The following C2CD5 variants were observed in gnomAD, a reference collection of about 807,000 sequenced individuals.
C2CD5 encodes the protein C2 calcium dependent domain containing 5.
In C2CD5, 109 loss-of-function variants were observed where a neutral mutation model predicts 130.3. The ratio of observed to expected loss-of-function variants is 0.84; its 90% CI spans 0.72 to 0.98. The LOEUF (loss-of-function observed/expected upper bound fraction) is 0.98, where lower values mean the gene tolerates loss of function less well. Ranked by LOEUF, C2CD5 falls within the 50% of genes least tolerant of loss-of-function variation. C2CD5 has a pLI of 0.00. For synonymous variants in C2CD5, 454 were observed against 429.2 expected (o/e 1.06, Z -0.71); for missense variants, 996 against 1,261.8 (o/e 0.79, Z 3.19).
intron 9 of C2CD5, 92 bp downstream of exon 9, chr12:22,513,202 A>C: frequency 3.2e-6 from 3 of 932,142 alleles, no homozygotes; most frequent in Non-Finnish European, 5.1e-6. Context: ...ATGTAACCAA[A>C]ACAGTTCATG....
intron 7 of C2CD5, among the ~76,000 whole-genome samples, chr12:22,522,314 C>T (rs1056469717): frequency 6.6e-6 from 1 of 152,120 alleles, no homozygotes; most frequent in South Asian, 2.1e-4. Flanking sequence ...GGATAGTCAG[C>T]GTTTTTAGTC....
Position 22,457,011 on chromosome 12 carries a change from A to C in C2CD5, c.2837T>G (p.Ile946Ser). The change falls in exon 25 of 27, where the codon ATT becomes AGT. Residue 946 changes from isoleucine (I) to serine (S), a missense_variant. Coordinates refer to ENST00000446597, the MANE Select transcript of C2CD5 (RefSeq NM_001286176.2). Reference sequence around the variant, plus strand: ...AGTCTCTCGAATAAAAAACATGTTAATTATCCCAAGATACTTAGTTATTTT... The same window carrying C: ...AGTCTCTCGAATAAAAAACATGTTACTTATCCCAAGATACTTAGTTATTTT... ...GAKITKYLGI[I>S]NMFFIRETTS... 1.9e-6 allele frequency: 3 copies of C among 1,602,200 alleles called. No homozygotes were observed. Among genetic ancestry groups the C allele is most frequent in the Non-Finnish European group, 2.6e-6 (3 of 1,172,760 alleles).
At chr12:22,491,058 G>A (rs962932662) in intron 11 of C2CD5, among the ~76,000 whole-genome samples, 12 of 152,186 alleles carry the variant, frequency 7.9e-5, no homozygotes, top group African/African-American at 2.9e-4. Flanking sequence ...TGATGTCTTC[G>A]AATCAAGAAG....
chr12:22,465,602 T>A (rs1047988111), intron 22 of C2CD5, among the ~76,000 whole-genome samples: 55 of 151,884 alleles, frequency 3.6e-4, no homozygotes, highest in Admixed American at 3.6e-3. Flanking sequence ...TCTCGCTGAT[T>A]TTTTTTACTC....
chr12:22,472,643 A>G (rs536004678), intron 17 of C2CD5, 101 bp downstream of exon 17: 11 of 796,512 alleles, frequency 1.4e-5, no homozygotes, highest in Middle Eastern at 2.9e-4. Context: ...TGACACTGTG[A>G]TAAGTCCTTC....
intron 3 of C2CD5, among the ~76,000 whole-genome samples, chr12:22,534,380 C>A (rs186523450): frequency 6.6e-6 from 1 of 152,204 alleles, no homozygotes; most frequent in Non-Finnish European, 1.5e-5. Context: ...ATATATTGGA[C>A]TTCATCAAAA....
At position 22,480,803 on chromosome 12, in the gene C2CD5, AT is replaced by A. The variant is rs769196605; in HGVS notation, c.1737+1753del. Among the ~76,000 whole-genome samples, 659 of 145,188 alleles carry A rather than the reference AT, an allele frequency of 4.5e-3. 2 individuals carry two copies. The highest frequency in any genetic ancestry group is 0.011 in the Middle Eastern group (3 of 284). On this transcript the variant is annotated intron_variant, in intron 14 of 26. Coordinates refer to ENST00000446597, the MANE Select transcript of C2CD5 (RefSeq NM_001286176.2). ...CCAAGTTACTCTAAGTATAAAAGAA[AT>A]TTTTTTTTTTTTTTTAAAGACAGGG...
intron 7 of C2CD5, among the ~76,000 whole-genome samples, chr12:22,522,399 C>T (rs955733165): frequency 1.3e-5 from 2 of 152,188 alleles, no homozygotes; most frequent in African/African-American, 4.8e-5. Context: ...ACAGTCATGA[C>T]CACCATCATG....
chr12:22,459,476 A>C lies in C2CD5; in HGVS notation c.2584+16T>G. ...TTACACCTTTGGTGACTATTTGCTT[A>C]ATTAGACAAACTCACCTCTCTGTGC... On this transcript the variant is annotated intron_variant, in intron 23 of 26. Coordinates refer to ENST00000446597, the MANE Select transcript of C2CD5 (RefSeq NM_001286176.2). 2.7e-6 allele frequency: 4 copies of C among 1,508,504 alleles called. No individual in the cohort carries two copies. The highest frequency in any genetic ancestry group is 3.6e-6 in the Non-Finnish European group (4 of 1,122,030). 93.4% of individuals were successfully genotyped at this position (1,508,504 alleles called of 1,614,324 possible).
chr12:22,457,278 C>A, intron 24 of C2CD5, 117 bp from the exon 25 acceptor site: 4 of 592,996 alleles, frequency 6.7e-6, no homozygotes, highest in South Asian at 3.7e-5. Flanking sequence ...TAAGCCATGT[C>A]ATGAAAGAAA....
chr12:22,502,479 T>G (rs969349696), intron 10 of C2CD5, among the ~76,000 whole-genome samples: 3 of 152,158 alleles, frequency 2.0e-5, no homozygotes, highest in African/African-American at 4.8e-5. Context: ...TTTTAAATGA[T>G]CATTCTGAAG....
chr12:22,450,957 G>A (rs909054995), intron 26 of C2CD5, among the ~76,000 whole-genome samples: 2 of 151,978 alleles, frequency 1.3e-5, no homozygotes, highest in Non-Finnish European at 2.9e-5. Flanking sequence ...CAGCTGAGGA[G>A]CAATATGTAC....
At chr12:22,505,010 A>G (rs1346340971) in intron 10 of C2CD5, among the ~76,000 whole-genome samples, 2 of 152,174 alleles carry the variant, frequency 1.3e-5, no homozygotes, top group Non-Finnish European at 2.9e-5. Flanking sequence ...TGCTTAGAAG[A>G]TGCATTTGCC....
At chr12:22,453,382 A>G (rs1426403290) in intron 26 of C2CD5, among the ~76,000 whole-genome samples, 2 of 152,218 alleles carry the variant, frequency 1.3e-5, no homozygotes, top group African/African-American at 4.8e-5. Context: ...TTTTTAAAAA[A>G]TTTTAACAAT....
In C2CD5 at chr12:22,482,544, C is replaced by T. The variant is rs1488669290; in HGVS notation, c.1737+13G>A. 1.2e-6 allele frequency: 2 copies of T among 1,608,270 alleles called. No individual in the cohort carries two copies. Among genetic ancestry groups the T allele is most frequent in the African/African-American group, 1.3e-5 (1 of 74,614 alleles). ...GGAAATCATAAAACAAAACCAAAAA[C>T]ATCTAAACTTACCGCTAAGCCCATC... is the stretch of plus-strand genomic sequence containing the variant. On this transcript the variant is annotated intron_variant, in intron 14 of 26. Transcript: ENST00000446597.
chr12:22,450,466 C>T (rs1938336112), intron 26 of C2CD5, among the ~76,000 whole-genome samples: 1 of 152,028 alleles, frequency 6.6e-6, no homozygotes, highest in Non-Finnish European at 1.5e-5. Context: ...AATATTCATG[C>T]CTGAAATACT....
At chr12:22,510,169 C>G (rs768190210) in intron 9 of C2CD5, among the ~76,000 whole-genome samples, 1 of 152,024 alleles carries the variant, frequency 6.6e-6, no homozygotes, top group African/African-American at 2.4e-5. Context: ...CATGCCATTG[C>G]CCTCCACCCT....
chr12:22,459,793 G>A (rs1235642561), intron 22 of C2CD5, among the ~76,000 whole-genome samples: 1 of 152,176 alleles, frequency 6.6e-6, no homozygotes, highest in East Asian at 1.9e-4. Flanking sequence ...AAGAGTTTCA[G>A]AAACTTTATA....
At chr12:22,528,619 G>A (rs967320338) in intron 3 of C2CD5, among the ~76,000 whole-genome samples, 12 of 152,242 alleles carry the variant, frequency 7.9e-5, no homozygotes, top group Admixed American at 7.8e-4. Flanking sequence ...TTAAGATTGG[G>A]ACAGAATACC....
Sources: gnomAD v4.1 joint callset for allele counts (sites outside exome capture counted in the v4.1 genomes callset) on GRCh38, gnomAD v4.1.1 for gene constraint, MANE v1.5 for transcripts, NCBI Gene and HGNC (gene_info 2026-07-23, HGNC 2026-07-21) for gene names.